The following ELL3 variants were observed in gnomAD, a reference collection of about 807,000 sequenced individuals.
ELL3 encodes the protein elongation factor for RNA polymerase II 3.
Under a neutral mutation model 58.5 loss-of-function variants are expected in ELL3, and 48 were observed. The observed-to-expected ratio is 0.82, with a 90% CI of 0.65 to 1.04. The LOEUF is 1.04. ELL3 is among the 50% of genes least tolerant of loss of function. The pLI is 0.00. For missense variants in ELL3, 458 were observed against 478.4 expected (o/e 0.96, Z 0.40); for synonymous variants, 174 against 173.2 (o/e 1.00, Z -0.04).
chr15:43,776,463 G>A, intron 2 of ELL3, 46 bp downstream of exon 2: 1 of 1,555,228 alleles, frequency 6.4e-7, no homozygotes. Context: ...CCACGTTTAT[G>A]CTCCCTCGCC....
chr15:43,774,941 T>A (rs534465718), intron 6 of ELL3, among the ~76,000 whole-genome samples, 168 bp from the exon 7 acceptor site: 1 of 152,124 alleles, frequency 6.6e-6, no homozygotes, highest in African/African-American at 2.4e-5. Flanking sequence ...AAGACTAGTC[T>A]GGGTAACATA....
At chr15:43,776,010 T>C (rs751346964) in intron 3 of ELL3, 29 bp downstream of exon 3, 56 of 1,613,128 alleles carry the variant, frequency 3.5e-5, no homozygotes, top group Non-Finnish European at 4.6e-5. Flanking sequence ...CCACAAACCC[T>C]TTCTTGCCGG....
At chr15:43,774,832 C>T (rs2086902983) in intron 6 of ELL3, 59 bp from the exon 7 acceptor site, 1 of 1,499,760 alleles carries the variant, frequency 6.7e-7, no homozygotes, top group African/African-American at 1.4e-5. Context: ...ATATGTTCTT[C>T]TCTCAAGAAT....
In ELL3 at chr15:43,774,744, T is replaced by A; in HGVS notation, c.675A>T (p.Glu225Asp). Residue 225 changes from glutamate (E) to aspartate (D), a missense_variant, in exon 7 of 11, where the codon GAA becomes GAT. By Grantham distance (45) the Glu-to-Asp change is conservative (BLOSUM62 2). Transcript: ENST00000319359. ...GAGTTCTGAACCTCTTTTCTTCCAG[T>A]TCTACAGTGGCTACAGGCACTGAAC... ...KKRSVPVATV[E>D]LEEKRFRTLP... The A allele has an allele frequency of 6.2e-7, 1 of 1,613,120 alleles. No individual in the cohort carries two copies. The highest frequency in any genetic ancestry group is 8.5e-7 in the Non-Finnish European group (1 of 1,179,684).
Position 43,776,391 on chromosome 15 carries a change from G to C in ELL3, c.168+118C>G, listed in dbSNP as rs557830298. ...CGCCCCACTTGGAGTTCAGTTATCG[G>C]AACTACCTCAGACCGTGACTACTCG... On this transcript the variant is annotated intron_variant, in intron 2 of 10. Coordinates refer to ENST00000319359, the MANE Select transcript of ELL3 (RefSeq NM_025165.3). 1.1e-5 allele frequency: 17 copies of C among 1,482,936 alleles called. No homozygotes were observed. In the East Asian group the frequency reaches 3.9e-4, roughly 34 times the overall value. The allele number at this position is 1,482,936 out of a possible 1,614,324, so 91.9% of individuals were successfully genotyped here.
Position 43,776,931 on chromosome 15 carries a change from G to A in ELL3, c.-30C>T, listed in dbSNP as rs1317222528. 6.2e-7 allele frequency: 1 copy of A among 1,605,736 alleles called. No homozygotes were observed. Among genetic ancestry groups the A allele is most frequent in the Admixed American group, 1.7e-5 (1 of 59,914 alleles). On this transcript the variant is annotated 5_prime_UTR_variant, in exon 1 of 11. Transcript: ENST00000319359. ...ACGAGTTCGAGTGCAAGCAGCACGG[G>A]GGCCACAGGCGAGGGCCACCACCGC...
At chr15:43,775,105 G>T (rs1371696707) in intron 6 of ELL3, among the ~76,000 whole-genome samples, 4 of 143,254 alleles carry the variant, frequency 2.8e-5, no homozygotes, top group Non-Finnish European at 6.1e-5. Flanking sequence ...GTGAGAATAA[G>T]AAAAAAAAAA....
rs1384919106 is a variant in ELL3 at position 43,776,466 on chromosome 15, C to A, written c.168+43G>T. 6 of 1,555,966 alleles carry A rather than the reference C, an allele frequency of 3.9e-6. No individual in the cohort carries two copies. In the South Asian group the frequency reaches 5.9e-5, roughly 15 times the overall value. Reference sequence around the variant, plus strand: ...TCCACCTCCAGCCCACGTTTATGCTCCCTCGCCCTCACCTCGCTCACACAC... The same window carrying A: ...TCCACCTCCAGCCCACGTTTATGCTACCTCGCCCTCACCTCGCTCACACAC... On this transcript the variant is annotated intron_variant, in intron 2 of 10. Transcript: ENST00000319359.
rs370087770 is a variant in ELL3 at position 43,776,933 on chromosome 15, G to T, written c.-32C>A. ...GAGTTCGAGTGCAAGCAGCACGGGG[G>T]CCACAGGCGAGGGCCACCACCGCCA... On this transcript the variant is annotated 5_prime_UTR_variant, in exon 1 of 11. Transcript: ENST00000319359. The T allele has an allele frequency of 6.2e-7, 1 of 1,605,030 alleles. No homozygotes were observed. The highest frequency in any genetic ancestry group is 2.2e-5 in the East Asian group (1 of 44,810).
chr15:43,773,371 T>G lies in ELL3; in HGVS notation c.1039-23A>C, dbSNP rs1177945616. The G allele has an allele frequency of 2.5e-6, 4 of 1,613,854 alleles. No individual in the cohort carries two copies. The South Asian group carries it at 3.3e-5, about 13-fold the overall frequency. ...GACCTGAAACAGAAATTACTAGCAC[T>G]GAGTTCAACATTAAGAAATGAGAGA... On this transcript the variant is annotated intron_variant, in intron 9 of 10. Transcript: ENST00000319359.
At chr15:43,776,655 G>T in intron 1 of ELL3, 111 bp from the exon 2 acceptor site, 1 of 1,546,732 alleles carries the variant, frequency 6.5e-7, no homozygotes, top group South Asian at 1.2e-5. Context: ...TGGAGAGGTG[G>T]GGAGGCCAGA....
At chr15:43,775,248 T>C in intron 6 of ELL3, 58 bp downstream of exon 6, 1 of 1,490,252 alleles carries the variant, frequency 6.7e-7, no homozygotes, top group Non-Finnish European at 9.1e-7. Context: ...AAATAGTCTT[T>C]GCCACTGTTT....
At position 43,776,493 on chromosome 15, in the gene ELL3, C is replaced by T. The variant is rs1243240629; in HGVS notation, c.168+16G>A. ...CTCGCCCTCACCTCGCTCACACACC[C>T]TGAGCTCGCACTTACCCCTCGGTGG... On this transcript the variant is annotated intron_variant, in intron 2 of 10. Coordinates refer to ENST00000319359, the MANE Select transcript of ELL3 (RefSeq NM_025165.3). 1.2e-5 allele frequency: 19 copies of T among 1,561,730 alleles called. No individual in the cohort carries two copies. The Admixed American group carries it at 3.6e-4, about 30-fold the overall frequency.
chr15:43,773,402 G>T (rs568134304), intron 9 of ELL3, 54 bp from the exon 10 acceptor site: 1 of 1,599,558 alleles, frequency 6.3e-7, no homozygotes, highest in South Asian at 1.1e-5. Flanking sequence ...AGAGAGGGGC[G>T]GCCAGGCATG....
rs555862557 is a variant in ELL3, at chr15:43,774,403, C to T, written c.867-50G>A. The T allele has an allele frequency of 2.6e-5, 42 of 1,613,362 alleles. No homozygotes were observed. In the South Asian group the frequency reaches 4.6e-4, roughly 18 times the overall value. On this transcript the variant is annotated intron_variant, in intron 8 of 10. Coordinates refer to ENST00000319359, the MANE Select transcript of ELL3 (RefSeq NM_025165.3). Reference sequence around the variant, plus strand: ...CTTCAATTTCATTGCCCCTGAAAAGCCCCCAGCTTCCAGGAAGTGTATCTT... The same window carrying T: ...CTTCAATTTCATTGCCCCTGAAAAGTCCCCAGCTTCCAGGAAGTGTATCTT...
intron 2 of ELL3, 35 bp downstream of exon 2, chr15:43,776,474 C>T (rs1355146489): frequency 1.3e-6 from 2 of 1,557,954 alleles, no homozygotes; most frequent in Admixed American, 1.9e-5. Context: ...CTCCCTCGCC[C>T]TCACCTCGCT....
chr15:43,774,904 G>T (rs118091134), intron 6 of ELL3, 131 bp from the exon 7 acceptor site: 5 of 998,506 alleles, frequency 5.0e-6, no homozygotes, highest in African/African-American at 4.9e-5. Context: ...AGGCTCAGGT[G>T]GGGGGATCGC....
intron 9 of ELL3, 29 bp downstream of exon 9, chr15:43,774,153 T>C: frequency 6.2e-7 from 1 of 1,609,370 alleles, no homozygotes; most frequent in Non-Finnish European, 8.5e-7. Flanking sequence ...CCAGTAGAGC[T>C]GGAAAGCCAG....
At position 43,776,158 on chromosome 15, in the gene ELL3, G is replaced by A. The variant is rs1275769404; in HGVS notation, c.169-7C>T. On this transcript the variant is annotated splice_region_variant and splice_polypyrimidine_tract_variant and intron_variant, in intron 2 of 10. Coordinates refer to ENST00000319359, the MANE Select transcript of ELL3 (RefSeq NM_025165.3). ...GGCCTGGGAGTCTCAGATACTGGGG[G>A]TGGAAGGAGACGGTAAGCCCCATGA... 3.1e-6 allele frequency: 5 copies of A among 1,611,388 alleles called. No individual in the cohort carries two copies. Among genetic ancestry groups the A allele is most frequent in the Non-Finnish European group, 4.2e-6 (5 of 1,177,756 alleles).
Sources: gnomAD v4.1 joint callset for allele counts (sites outside exome capture counted in the v4.1 genomes callset) on GRCh38, gnomAD v4.1.1 for gene constraint, MANE v1.5 for transcripts, NCBI Gene and HGNC (gene_info 2026-07-23, HGNC 2026-07-21) for gene names.